The following PARN variants were observed in gnomAD, a reference collection of about 807,000 sequenced individuals.
PARN encodes the protein poly(A)-specific ribonuclease, also known as poly(A)-specific ribonuclease PARN.
PARN carries 71 observed loss-of-function variants against 102.8 expected under a neutral mutation model. The observed-to-expected ratio is 0.69, with a 90% CI of 0.57 to 0.84. PARN has a LOEUF of 0.84. Among genes scored for constraint, PARN ranks in the 40% least tolerant of loss-of-function variants. The pLI is 0.00. For synonymous variants in PARN, 261 were observed against 252.9 expected, an observed-to-expected ratio of 1.03 and a Z score of -0.30; for missense variants, 782 against 760.9, an observed-to-expected ratio of 1.03 and a Z score of -0.33.
rs147930511 is a variant in PARN at position 14,599,736 on chromosome 16, T to C, written c.840+168A>G. On this transcript the variant is annotated intron_variant, in intron 12 of 23. Coordinates refer to ENST00000437198, the MANE Select transcript of PARN (RefSeq NM_002582.4). ...TTGAATATAATTTAGCAATTATGCC[T>C]CACCAAGTGCATTATAACAACAGTC... 7.7e-3 allele frequency among the ~76,000 whole-genome samples: 1,177 copies of C among 152,310 alleles called. 14 individuals carry two copies. Among genetic ancestry groups the C allele is most frequent in the Non-Finnish European group, 0.011 (748 of 68,032 alleles).
At chr16:14,484,613 C>T (rs1423946095) in intron 21 of PARN, among the ~76,000 whole-genome samples, 5 of 152,136 alleles carry the variant, frequency 3.3e-5, no homozygotes, top group Non-Finnish European at 7.3e-5. Flanking sequence ...GCTGTGGGCA[C>T]GTCGGCACTG....
In PARN at chr16:14,522,381, T is replaced by C. The variant is rs1965782528; in HGVS notation, c.1480+29640A>G. ...ATGCACAAATCTCAGGTGTCAGAAA[T>C]AAGAGAGAAAAGAGCTGGGCATGGT... On this transcript the variant is annotated intron_variant, in intron 21 of 23. Transcript: ENST00000437198. Among the ~76,000 whole-genome samples the C allele has an allele frequency of 2.0e-5, 3 of 152,014 alleles. No homozygotes were observed. The South Asian group carries it at 6.2e-4, about 31-fold the overall frequency.
rs1967506699 is a variant in PARN at position 14,554,154 on chromosome 16, A to G, written c.1319-3T>C. The stretch of plus-strand genomic sequence containing the variant: ...AACATGATCACGTTTAGGCTGCACT[A>G]CAAGACAAATTTATGATGAAATATT... On this transcript the variant is annotated splice_polypyrimidine_tract_variant and splice_region_variant and intron_variant, in intron 19 of 23. Transcript: ENST00000437198. The G allele has an allele frequency of 1.9e-6, 3 of 1,602,444 alleles. No individual in the cohort carries two copies. Among genetic ancestry groups the G allele is most frequent in the Non-Finnish European group, 2.6e-6 (3 of 1,172,128 alleles).
At position 14,497,189 on chromosome 16, in the gene PARN, C is replaced by A. The variant is rs1256051878; in HGVS notation, c.1481-14362G>T. Among the ~76,000 whole-genome samples, 3 of 152,082 alleles carry A rather than the reference C, an allele frequency of 2.0e-5. No individual in the cohort carries two copies. The East Asian group carries it at 5.8e-4, about 29-fold the overall frequency. ...TCTTTTTTTTAAATGCTGGTATCTA[C>A]CAGCATTGATTTCCTGACCCACTAA... is the stretch of plus-strand genomic sequence containing the variant. On this transcript the variant is annotated intron_variant, in intron 21 of 23. Coordinates refer to ENST00000437198, the MANE Select transcript of PARN (RefSeq NM_002582.4).
chr16:14,591,726 A>G lies in PARN; in HGVS notation c.918+1575T>C, dbSNP rs1037968785. On this transcript the variant is annotated intron_variant, in intron 13 of 23. Coordinates refer to ENST00000437198, the MANE Select transcript of PARN (RefSeq NM_002582.4). ...TTGCTAAACTCAAAGATGAGAAATA[A>G]GGCCGCTTGCAACAAAAATAAAAAC... Among the ~76,000 whole-genome samples, 3 of 152,236 alleles carry G rather than the reference A, an allele frequency of 2.0e-5. No individual in the cohort carries two copies. The East Asian group carries it at 5.8e-4, about 29-fold the overall frequency.
At chr16:14,606,436 TA>T in intron 10 of PARN, 47 bp downstream of exon 10, 1 of 1,065,870 alleles carries the variant, frequency 9.4e-7, no homozygotes, top group East Asian at 2.5e-5. Flanking sequence ...CCTAACAGTG[TA>T]ACAATGGATG....
chr16:14,608,813 C>T (rs1038712080), intron 8 of PARN, among the ~76,000 whole-genome samples: 2 of 152,174 alleles, frequency 1.3e-5, no homozygotes, highest in African/African-American at 4.8e-5. Context: ...TTGGGCATAA[C>T]TGAAAGTCAA....
At chr16:14,568,625 G>A (rs951672589) in intron 18 of PARN, among the ~76,000 whole-genome samples, 2 of 151,832 alleles carry the variant, frequency 1.3e-5, no homozygotes, top group East Asian at 1.9e-4. Flanking sequence ...AATGCCGGGC[G>A]CTGGCAGGGC....
At chr16:14,629,975 C>G (rs1972938231) in intron 1 of PARN, 132 bp downstream of exon 1, 2 of 831,794 alleles carry the variant, frequency 2.4e-6, no homozygotes, top group South Asian at 3.1e-5. Context: ...GGCGCACCGG[C>G]TTAAGGAGGG....
chr16:14,564,787 C>G (rs538175933), intron 18 of PARN, among the ~76,000 whole-genome samples: 1 of 152,082 alleles, frequency 6.6e-6, no homozygotes, highest in Non-Finnish European at 1.5e-5. Flanking sequence ...TTTCACTCCC[C>G]GAGTGAAAAA....
intron 20 of PARN, 141 bp downstream of exon 20, chr16:14,553,924 C>T: frequency 1.6e-6 from 1 of 629,748 alleles, no homozygotes; most frequent in South Asian, 2.0e-5. Flanking sequence ...GTATCCTAAA[C>T]CAGAAAATTC....
intron 6 of PARN, among the ~76,000 whole-genome samples, chr16:14,616,950 A>AT (rs1971940489): frequency 6.6e-6 from 1 of 152,100 alleles, no homozygotes; most frequent in South Asian, 2.1e-4. Context: ...TTAGGCCACT[A>AT]TATCACGCCA....
intron 22 of PARN, among the ~76,000 whole-genome samples, chr16:14,457,503 G>T (rs769792931): frequency 1.3e-5 from 2 of 151,988 alleles, no homozygotes; most frequent in African/African-American, 4.8e-5. Flanking sequence ...TTCTAATAAA[G>T]AATTTGAGTC....
intron 10 of PARN, among the ~76,000 whole-genome samples, chr16:14,605,358 C>T (rs150150488): frequency 2.6e-5 from 4 of 152,292 alleles, no homozygotes; most frequent in South Asian, 4.1e-4. Context: ...CATTTTCCTA[C>T]GGTTTACTAA....
intron 5 of PARN, among the ~76,000 whole-genome samples, chr16:14,624,381 A>C (rs996711302): frequency 1.3e-5 from 2 of 152,202 alleles, no homozygotes; most frequent in Non-Finnish European, 2.9e-5. Context: ...TTAGAGTCTA[A>C]ACCTTTTCTC....
intron 11 of PARN, among the ~76,000 whole-genome samples, chr16:14,603,104 T>C (rs1281535400): frequency 2.0e-5 from 3 of 151,934 alleles, no homozygotes; most frequent in African/African-American, 4.8e-5. Flanking sequence ...TTGTATTTTT[T>C]GTAGAGATGG....
In PARN at chr16:14,547,493, G is replaced by GCTTGGGAAC. The variant is rs1461365458; in HGVS notation, c.1480+4527_1480+4528insGTTCCCAAG. ...ACCCAAGGAGAGAGGACGGCTTGAG[G>GCTTGGGAAC]CCAAGAGTTCAAGACCAGCCGAGCA... On this transcript the variant is annotated intron_variant, in intron 21 of 23. Coordinates refer to ENST00000437198, the MANE Select transcript of PARN (RefSeq NM_002582.4). Among the ~76,000 whole-genome samples, 337 of 152,018 alleles carry GCTTGGGAAC rather than the reference G, an allele frequency of 2.2e-3. 1 individual carries two copies. Among genetic ancestry groups the GCTTGGGAAC allele is most frequent in the African/African-American group, 7.3e-3 (304 of 41,474 alleles).
At chr16:14,544,135 T>G (rs1966859635) in intron 21 of PARN, among the ~76,000 whole-genome samples, 1 of 152,062 alleles carries the variant, frequency 6.6e-6, no homozygotes, top group African/African-American at 2.4e-5. Flanking sequence ...GAGGTTGCGG[T>G]GAGCCAAGAT....
intron 18 of PARN, among the ~76,000 whole-genome samples, chr16:14,556,359 G>A (rs561679227): frequency 1.8e-4 from 26 of 146,136 alleles, no homozygotes; most frequent in African/African-American, 6.6e-4. Flanking sequence ...GGGGTTTCCC[G>A]ATGTTGACCA....
Sources: allele counts gnomAD v4.1 joint callset (sites outside exome capture counted in the v4.1 genomes callset), GRCh38; gene constraint gnomAD v4.1.1; transcripts MANE v1.5; gene names NCBI Gene and HGNC (gene_info 2026-07-23, HGNC 2026-07-21).